Variants in CCDC88A observed in about 807,000 individuals in gnomAD.
CCDC88A encodes the protein girdin.
CCDC88A carries 54 observed loss-of-function variants against 234.3 expected under a neutral mutation model. The observed-to-expected ratio is 0.23, with a 90% CI of 0.19 to 0.29. The LOEUF is 0.29. Ranked by LOEUF, CCDC88A falls within the 10% of genes least tolerant of loss-of-function variation. The probability of loss-of-function intolerance (pLI) is 1.00; values close to 1 mark genes in which losing one functional copy is unlikely to be tolerated. For missense variants in CCDC88A, 1,832 were observed against 2,123.4 expected (o/e 0.86, Z 2.70); for synonymous variants, 753 against 737.8 (o/e 1.02, Z -0.33).
chr2:55,334,502 C>G lies in CCDC88A; in HGVS notation c.2319G>C (p.Glu773Asp), dbSNP rs1376220525. 2 of 1,607,844 alleles carry G rather than the reference C, an allele frequency of 1.2e-6. No individual in the cohort carries two copies. Residue 773 changes from glutamate to aspartate, a missense_variant, in exon 15 of 33, where the codon GAG becomes GAC. Coordinates refer to ENST00000436346, the MANE Select transcript of CCDC88A (RefSeq NM_001365480.1). The surrounding 1 kb of genome is among the most constrained non-coding windows in gnomAD (Gnocchi z 6.1). ...ATTGCTGGATTTTTTTATTGCTGTTCTCTAAAGTTTTTTGCAGTCTTTGAT... is the reference window on the plus strand; with the variant it reads ...ATTGCTGGATTTTTTTATTGCTGTTGTCTAAAGTTTTTTGCAGTCTTTGAT... ...IENQRLQKTL[E>D]NSNKKIQQLE...
intron 26 of CCDC88A, 54 bp downstream of exon 26, chr2:55,303,015 T>A: frequency 9.1e-7 from 1 of 1,096,124 alleles, no homozygotes; most frequent in East Asian, 2.6e-5. Context: ...GAAAAATTAG[T>A]AATGAAAGCC....
At chr2:55,330,180 G>C (rs914426876) in intron 16 of CCDC88A, 3 of 152,060 alleles carry the variant, frequency 2.0e-5, no homozygotes, top group Non-Finnish European at 4.4e-5. Flanking sequence ...AATAAATTCA[G>C]AGAGAATAAC....
At chr2:55,418,239 A>G (rs1052637166) in intron 2 of CCDC88A, 1 of 152,484 alleles carries the variant, frequency 6.6e-6, no homozygotes, top group African/African-American at 2.4e-5. Flanking sequence ...GATCCCTAAA[A>G]TATTAAGCAA....
At position 55,355,508 on chromosome 2, in the gene CCDC88A, G is replaced by C. The variant is rs1670454461; in HGVS notation, c.800+71C>G. The C allele has an allele frequency of 5.4e-6, 7 of 1,296,934 alleles. No homozygotes were observed. In the South Asian group the frequency reaches 7.3e-5, roughly 13 times the overall value. 80.3% of individuals were successfully genotyped at this position (1,296,934 alleles called of 1,614,324 possible). A position where few individuals can be genotyped will look rare whatever the true frequency, so the allele number is the denominator to read the frequency against. On this transcript the variant is annotated intron_variant, in intron 8 of 32. Transcript: ENST00000436346. ...ACACAAGCTAGCAATATTTCCATAA[G>C]CTTAAAAATATTGTTTAGGTCACCT...
chr2:55,303,011 T>G (rs1161747584), intron 26 of CCDC88A, 58 bp downstream of exon 26: 2 of 1,069,314 alleles, frequency 1.9e-6, no homozygotes, highest in Non-Finnish European at 1.4e-6. Context: ...TAGTGAAAAA[T>G]TAGTAATGAA....
At position 55,303,170 on chromosome 2, in the gene CCDC88A, G is replaced by A. The variant is rs1460247447; in HGVS notation, c.4388-18C>T. 4 of 1,480,620 alleles carry A rather than the reference G, an allele frequency of 2.7e-6. No individual in the cohort carries two copies. The allele number at this position is 1,480,620 out of a possible 1,614,324, so 91.7% of individuals were successfully genotyped here. The stretch of plus-strand genomic sequence containing the variant: ...TGCAACCACTTTAATGTCAGAGCAT[G>A]AGGAAAAACAGAAACAGGGAGATGA... On this transcript the variant is annotated intron_variant, in intron 25 of 32. Coordinates refer to ENST00000436346, the MANE Select transcript of CCDC88A (RefSeq NM_001365480.1).
Position 55,382,968 on chromosome 2 carries a change from C to T in CCDC88A, c.273+5810G>A, listed in dbSNP as rs1674834220. Among the ~76,000 whole-genome samples the T allele has an allele frequency of 2.0e-5, 3 of 151,630 alleles. No homozygotes were observed. In the South Asian group the frequency reaches 6.2e-4, roughly 32 times the overall value. The stretch of plus-strand genomic sequence containing the variant: ...TGGTATGTCCTATGCACCACTGTAG[C>T]ACCAGTACCAGGTAGAATATCTGGC... On this transcript the variant is annotated intron_variant, in intron 3 of 32. Transcript: ENST00000436346.
chr2:55,319,139 G>A (rs1683309836), intron 18 of CCDC88A, 135 bp from the exon 19 acceptor site: 3 of 698,398 alleles, frequency 4.3e-6, no homozygotes, highest in Non-Finnish European at 4.2e-6. Flanking sequence ...AATCTTAAAA[G>A]AGAAAAAAAA....
chr2:55,339,711 T>C (rs935467662), intron 12 of CCDC88A, 63 bp from the exon 13 acceptor site: 1 of 1,434,274 alleles, frequency 7.0e-7, no homozygotes, highest in African/African-American at 1.4e-5. Context: ...GTTTACTCTT[T>C]ACTATTTAAA....
chr2:55,335,198 T>C lies in CCDC88A; in HGVS notation c.1657-34A>G, dbSNP rs751213192. The C allele has an allele frequency of 1.3e-5, 17 of 1,354,004 alleles. No individual in the cohort carries two copies. In the South Asian group the frequency reaches 1.8e-4, roughly 15 times the overall value. The allele number at this position is 1,354,004 out of a possible 1,614,324, so 83.9% of individuals were successfully genotyped here. A position where few individuals can be genotyped will look rare whatever the true frequency, so the allele number is the denominator to read the frequency against. On this transcript the variant is annotated intron_variant, in intron 14 of 32. Transcript: ENST00000436346. The surrounding 1 kb of genome is among the most constrained non-coding windows in gnomAD (Gnocchi z 4.5). ...AAAAGAAAATAATTAAAAGCTGTAA[T>C]TGAGGAAAAACTAACTATGGTTTAT...
At position 55,344,349 on chromosome 2, in the gene CCDC88A, T is replaced by G; in HGVS notation, c.1188+19A>C. On this transcript the variant is annotated intron_variant, in intron 11 of 32. Transcript: ENST00000436346. ...TTTTCCTTAAAGGCCATGTAACTGA[T>G]CTACCTCTTAAAACTTACCATTTCC... is the stretch of plus-strand genomic sequence containing the variant. 6.5e-7 allele frequency: 1 copy of G among 1,538,552 alleles called. No individual in the cohort carries two copies. The highest frequency in any genetic ancestry group is 1.3e-5 in the South Asian group (1 of 77,774).
Position 55,334,746 on chromosome 2 carries a change from A to G in CCDC88A, c.2075T>C (p.Leu692Pro), listed in dbSNP as rs1685287551. Residue 692 changes from leucine to proline, a missense_variant, in exon 15 of 33, where the codon CTA (leucine) becomes CCA (proline). Coordinates refer to ENST00000436346, the MANE Select transcript of CCDC88A (RefSeq NM_001365480.1). This position sits in a 1 kb window ranked among gnomAD's most constrained non-coding sequence, Gnocchi z 6.1. The part of the protein sequence containing the change: ...FKNLTFQLES[L>P]EKENSQLDEE... ...ATCAAGTTGGGAATTCTCTTTTTCT[A>G]GGGATTCTAACTGAAAGGTCAGATT... The G allele has an allele frequency of 6.2e-7, 1 of 1,611,578 alleles. No homozygotes were observed. The highest frequency in any genetic ancestry group is 8.5e-7 in the Non-Finnish European group (1 of 1,179,066).
chr2:55,378,738 CTT>C (rs79242911), intron 3 of CCDC88A, among the ~76,000 whole-genome samples: 2,690 of 140,802 alleles, frequency 0.019, 19 homozygotes, highest in African/African-American at 0.066. Context: ...TACACATATA[CTT>C]TTTTTTTTTT....
intron 6 of CCDC88A, among the ~76,000 whole-genome samples, chr2:55,362,835 T>G (rs374114911): frequency 3.3e-5 from 5 of 152,014 alleles, no homozygotes; most frequent in African/African-American, 1.2e-4. Flanking sequence ...TTGTAGGATA[T>G]ATGTTATTGC....
Position 55,345,186 on chromosome 2 carries a change from T to C in CCDC88A, c.1042-672A>G, listed in dbSNP as rs1263767649. Among the ~76,000 whole-genome samples, 3 of 152,324 alleles carry C rather than the reference T, an allele frequency of 2.0e-5. No homozygotes were observed. In the East Asian group the frequency reaches 5.8e-4, roughly 29 times the overall value. ...ATGCATACACAAGTCTTTAAATAAC[T>C]GGCAAATAATTAATATGTACTTTAT... On this transcript the variant is annotated intron_variant, in intron 10 of 32. Coordinates refer to ENST00000436346, the MANE Select transcript of CCDC88A (RefSeq NM_001365480.1).
At chr2:55,392,421 A>C (rs1676799450) in intron 2 of CCDC88A, among the ~76,000 whole-genome samples, 1 of 152,234 alleles carries the variant, frequency 6.6e-6, no homozygotes, top group Non-Finnish European at 1.5e-5. Flanking sequence ...TTTATTAAGA[A>C]TAAACTGACA....
chr2:55,367,836 G>T (rs1672248758), intron 5 of CCDC88A, among the ~76,000 whole-genome samples: 1 of 151,858 alleles, frequency 6.6e-6, no homozygotes, highest in Non-Finnish European at 1.5e-5. Flanking sequence ...TACATAAAAG[G>T]GTCAAAATTT....
intron 15 of CCDC88A, among the ~76,000 whole-genome samples, chr2:55,333,401 T>C (rs1320849795): frequency 6.6e-6 from 1 of 152,212 alleles, no homozygotes; most frequent in Admixed American, 6.5e-5. Context: ...TTCAGAATTC[T>C]TCTTGATACA....
intron 3 of CCDC88A, 51 bp downstream of exon 3, chr2:55,388,727 C>A: frequency 1.4e-6 from 1 of 726,556 alleles, no homozygotes; most frequent in Non-Finnish European, 2.4e-6. Flanking sequence ...CTAAATAATA[C>A]AAAAATGTAA....
Sources: gnomAD v4.1 joint callset for allele counts (sites outside exome capture counted in the v4.1 genomes callset) on GRCh38, gnomAD v4.1.1 for gene constraint, Gnocchi (gnomAD v3.1) non-coding constraint, MANE v1.5 for transcripts, NCBI Gene and HGNC (gene_info 2026-07-23, HGNC 2026-07-21) for gene names.